KLF8: variants seen among roughly 807,000 people sequenced by gnomAD.
KLF8 encodes the protein Krueppel-like factor 8.
KLF8 carries 10 observed loss-of-function variants against 18.2 expected under a neutral mutation model. The ratio of observed to expected loss-of-function variants is 0.55; its 90% CI spans 0.34 to 0.93. KLF8 has a LOEUF of 0.93. Among genes scored for constraint, KLF8 ranks in the 40% least tolerant of loss-of-function variants. The pLI, the probability that KLF8 is intolerant of heterozygous loss-of-function variation, is 0.02. For synonymous variants in KLF8, 109 were observed against 97.3 expected, an observed-to-expected ratio of 1.12 and a Z score of -0.71; for missense variants, 264 against 277.9, an observed-to-expected ratio of 0.95 and a Z score of 0.36.
intron 2 of KLF8, 24 bp from the exon 3 acceptor site, chrX:56,265,156 C>T (rs927964809): frequency 1.2e-5 from 14 of 1,161,364 alleles, no homozygotes; most frequent in Middle Eastern, 2.5e-4. Flanking sequence ...ACTTATGCAT[C>T]TCTCATTTGT....
At chrX:56,270,930 A>G (rs1260115701) in intron 5 of KLF8, among the ~76,000 whole-genome samples, 1 of 112,179 alleles carries the variant, frequency 8.9e-6, no homozygotes, top group Non-Finnish European at 1.9e-5. Flanking sequence ...TCAGCCATCA[A>G]TATTCTTAGG....
chrX:56,093,901 T>TTA, the KLF8 span, among the ~76,000 whole-genome samples: 6 of 86,288 alleles, frequency 7.0e-5, no homozygotes, highest in Non-Finnish European at 1.3e-4. Context: ...AACGTATATA[T>TTA]TATATGTGTG....
the KLF8 span, among the ~76,000 whole-genome samples, chrX:55,930,096 A>G: frequency 3.6e-4 from 40 of 111,201 alleles, no homozygotes; most frequent in African/African-American, 1.3e-3. Context: ...GAGGTCCTTC[A>G]TATCCCTTGT....
chrX:55,944,882 G>A, the KLF8 span, among the ~76,000 whole-genome samples: 2 of 110,951 alleles, frequency 1.8e-5, no homozygotes, highest in East Asian at 2.8e-4. Flanking sequence ...GCTTTTGAAT[G>A]TGTTTGCTCT....
chrX:56,194,164 G>A, the KLF8 span, among the ~76,000 whole-genome samples: 1 of 111,194 alleles, frequency 9.0e-6, no homozygotes, highest in African/African-American at 3.3e-5. Context: ...GAAGATGGGT[G>A]ATTTCTGCAT....
the KLF8 span, among the ~76,000 whole-genome samples, chrX:56,030,935 G>C: frequency 9.1e-6 from 1 of 110,031 alleles, no homozygotes; most frequent in Non-Finnish European, 1.9e-5. Context: ...GCTGTAACCA[G>C]GAATCTATAT....
intron 1 of KLF8, among the ~76,000 whole-genome samples, chrX:56,239,044 A>G (rs925351092): frequency 8.9e-6 from 1 of 111,993 alleles, no homozygotes; most frequent in Non-Finnish European, 1.9e-5. Context: ...GCCCACCTCA[A>G]AGCAAACCAT....
chrX:56,180,393 T>C, the KLF8 span, among the ~76,000 whole-genome samples: 16 of 111,696 alleles, frequency 1.4e-4, no homozygotes, highest in Non-Finnish European at 2.6e-4. Flanking sequence ...GTATCAATTT[T>C]ATTGATCTTT....
At chrX:56,034,294 T>A in the KLF8 span, among the ~76,000 whole-genome samples, 1,598 of 112,261 alleles carry the variant, frequency 0.014, 13 homozygotes, top group Middle Eastern at 0.046. Flanking sequence ...TTGTATATTA[T>A]TGGCATCTTT....
At chrX:56,189,551 C>G in the KLF8 span, among the ~76,000 whole-genome samples, 1 of 111,004 alleles carries the variant, frequency 9.0e-6, no homozygotes, top group Non-Finnish European at 1.9e-5. Flanking sequence ...AATCATGCTG[C>G]TATAAAATCA....
chrX:55,995,201 G>A, the KLF8 span, among the ~76,000 whole-genome samples: 4 of 111,663 alleles, frequency 3.6e-5, no homozygotes, highest in African/African-American at 1.3e-4. Flanking sequence ...GGTCTGTTTT[G>A]TTTGAAATAA....
At chrX:56,007,722 A>T in the KLF8 span, among the ~76,000 whole-genome samples, 2 of 111,638 alleles carry the variant, frequency 1.8e-5, no homozygotes, top group African/African-American at 6.5e-5. Context: ...ATCTTTGAAA[A>T]AAACGTTTTC....
At chrX:56,268,842 A>G in intron 3 of KLF8, 1 of 840,677 alleles carries the variant, frequency 1.2e-6, no homozygotes, top group East Asian at 1.1e-4. Context: ...CATAGGTGGA[A>G]AGGAAGGTTG....
chrX:56,221,668 G>C, the KLF8 span, among the ~76,000 whole-genome samples: 1 of 111,156 alleles, frequency 9.0e-6, no homozygotes, highest in Admixed American at 9.5e-5. Context: ...CACATCTGGA[G>C]TTGTTCGTTC....
At chrX:56,016,086 C>G in the KLF8 span, among the ~76,000 whole-genome samples, 138 of 111,614 alleles carry the variant, frequency 1.2e-3, no homozygotes, top group Non-Finnish European at 2.1e-3. Flanking sequence ...AGTTTCAGCC[C>G]AATTTTAGCA....
chrX:56,203,034 C>A, the KLF8 span, among the ~76,000 whole-genome samples: 5 of 111,252 alleles, frequency 4.5e-5, no homozygotes, highest in Non-Finnish European at 9.5e-5. Context: ...CTAATTTACA[C>A]CCCCACCCAA....
chrX:55,978,131 T>G, the KLF8 span, among the ~76,000 whole-genome samples: 884 of 111,067 alleles, frequency 8.0e-3, 12 homozygotes, highest in African/African-American at 0.028. Flanking sequence ...TTCCCTCTCC[T>G]TTTTCTCCTT....
intron 3 of KLF8, chrX:56,268,796 G>T: frequency 1.2e-6 from 1 of 801,359 alleles, no homozygotes; most frequent in Non-Finnish European, 1.5e-6. Context: ...AAACATCAGG[G>T]GTTGATAATA....
chrX:56,081,453 A>G, the KLF8 span, among the ~76,000 whole-genome samples: 1 of 111,924 alleles, frequency 8.9e-6, no homozygotes, highest in African/African-American at 3.2e-5. Flanking sequence ...TTCATTTCCA[A>G]TTGTAATGCC....
Sources: allele counts gnomAD v4.1 joint callset (sites outside exome capture counted in the v4.1 genomes callset), GRCh38; gene constraint gnomAD v4.1.1; transcripts MANE v1.5; gene names NCBI Gene and HGNC (gene_info 2026-07-23, HGNC 2026-07-21).